The following PCDHA11 variants were observed in gnomAD, a reference collection of about 807,000 sequenced individuals.
The protein encoded by PCDHA11 is protocadherin alpha-11.
In PCDHA11, 61 loss-of-function variants were observed where a neutral mutation model predicts 70.3. That is an observed-to-expected ratio of 0.87 (90% confidence interval 0.71 to 1.07). PCDHA11 has a LOEUF of 1.07. Among genes scored for constraint, PCDHA11 ranks in the 50% least tolerant of loss-of-function variants. PCDHA11 has a pLI of 0.00. For synonymous variants in PCDHA11, 633 were observed against 555.1 expected, an observed-to-expected ratio of 1.14 and a Z score of -1.97; for missense variants, 1,324 against 1,237.5, an observed-to-expected ratio of 1.07 and a Z score of -1.05.
chr5:141,007,831 C>T (rs1347788424), intron 3 of PCDHA11, among the ~76,000 whole-genome samples: 2 of 152,296 alleles, frequency 1.3e-5, no homozygotes, highest in East Asian at 3.9e-4. Context: ...CAAGTAGCTA[C>T]CCATTAGAGA....
intron 1 of PCDHA11, among the ~76,000 whole-genome samples, chr5:140,888,308 G>A (rs1383199158): frequency 1.3e-5 from 2 of 152,106 alleles, no homozygotes; most frequent in Non-Finnish European, 2.9e-5. Flanking sequence ...AGATAATTTG[G>A]CAATGCCTGG....
intron 1 of PCDHA11, chr5:140,884,480 A>T (rs782532542): frequency 7.4e-6 from 12 of 1,613,662 alleles, no homozygotes; most frequent in Non-Finnish European, 9.3e-6. Flanking sequence ...GGGCAAGCCC[A>T]CTCTAGTGTG....
intron 1 of PCDHA11, among the ~76,000 whole-genome samples, chr5:140,941,319 CT>C (rs70988781): frequency 0.38 from 39,984 of 104,186 alleles, 7,512 homozygotes; most frequent in East Asian, 0.57. Flanking sequence ...TCTTCTTTCT[CT>C]TTTTTTTTTT....
chr5:140,991,588 C>T (rs1252872687), intron 3 of PCDHA11, among the ~76,000 whole-genome samples: 3 of 152,212 alleles, frequency 2.0e-5, no homozygotes, highest in African/African-American at 7.2e-5. Flanking sequence ...TTATTTCTAC[C>T]TGAGCCCTCA....
At chr5:140,990,227 A>G (rs1424384055) in intron 3 of PCDHA11, among the ~76,000 whole-genome samples, 1 of 152,134 alleles carries the variant, frequency 6.6e-6, no homozygotes, top group Non-Finnish European at 1.5e-5. Flanking sequence ...GTTTATTGTA[A>G]CTAGCGTTGT....
intron 1 of PCDHA11, among the ~76,000 whole-genome samples, chr5:140,915,115 A>T (rs2076990702): frequency 1.3e-5 from 2 of 151,346 alleles, no homozygotes; most frequent in African/African-American, 4.9e-5. Context: ...CACCCACCTA[A>T]TTTTTATATT....
In PCDHA11 at chr5:140,876,868, G is replaced by C. The variant is rs563777938; in HGVS notation, c.2391+5374G>C. On this transcript the variant is annotated intron_variant, in intron 1 of 3. Coordinates refer to ENST00000398640, the MANE Select transcript of PCDHA11 (RefSeq NM_018902.5). ...GCCCGAGTACACAGTGTTCGTGAAG[G>C]AGAACAACCCGCCGGGCTGCCACAT... is the stretch of plus-strand genomic sequence containing the variant. 6 of 1,614,160 alleles carry C rather than the reference G, an allele frequency of 3.7e-6. No homozygotes were observed. In the East Asian group the frequency reaches 1.3e-4, roughly 36 times the overall value.
rs371526005 is a variant in PCDHA11 at position 140,870,869 on chromosome 5, T to C, written c.1766T>C (p.Val589Ala). The C allele has an allele frequency of 8.1e-6, 13 of 1,613,770 alleles. No individual in the cohort carries two copies. Among genetic ancestry groups the C allele is most frequent in the Non-Finnish European group, 1.1e-5 (13 of 1,179,888 alleles). ...CCGCGGTCGGTGGGTGCGGGCCACGTGGTGGCGAAGGTGCGCGCAGTGGAT... is the reference window on the plus strand; with the variant it reads ...CCGCGGTCGGTGGGTGCGGGCCACGCGGTGGCGAAGGTGCGCGCAGTGGAT... ...LVPRSVGAGH[V>A]VAKVRAVDAD... Residue 589 changes from valine (V) to alanine (A), a missense_variant, in exon 1 of 4, where the codon GTG becomes GCG. Coordinates refer to ENST00000398640, the MANE Select transcript of PCDHA11 (RefSeq NM_018902.5).
chr5:140,889,983 T>C (rs1347862441), intron 1 of PCDHA11, among the ~76,000 whole-genome samples: 1 of 152,208 alleles, frequency 6.6e-6, no homozygotes, highest in Non-Finnish European at 1.5e-5. Flanking sequence ...TCTCCAGTTG[T>C]CTTAGCTTTC....
At chr5:140,985,607 C>T (rs1554247195) in intron 3 of PCDHA11, among the ~76,000 whole-genome samples, 1 of 152,156 alleles carries the variant, frequency 6.6e-6, no homozygotes, top group Non-Finnish European at 1.5e-5. Flanking sequence ...GAGCCCTTTC[C>T]GTGAACCAGC....
At chr5:141,002,934 C>A (rs1318656602) in intron 3 of PCDHA11, among the ~76,000 whole-genome samples, 2 of 152,172 alleles carry the variant, frequency 1.3e-5, no homozygotes, top group Non-Finnish European at 2.9e-5. Flanking sequence ...CCTCCAACAC[C>A]CTCCAGCACA....
At chr5:140,968,094 A>T in intron 1 of PCDHA11, 1 of 1,614,138 alleles carries the variant, frequency 6.2e-7, no homozygotes, top group Non-Finnish European at 8.5e-7. Flanking sequence ...ACAGCCACAG[A>T]TGGGGGAATA....
In PCDHA11 at chr5:140,869,059, C is replaced by T. The variant is rs782790799; in HGVS notation, c.-45C>T. The T allele has an allele frequency of 6.4e-7, 1 of 1,555,654 alleles. No individual in the cohort carries two copies. Among genetic ancestry groups the T allele is most frequent in the East Asian group, 2.2e-5 (1 of 44,466 alleles). On this transcript the variant is annotated 5_prime_UTR_variant, in exon 1 of 4. Coordinates refer to ENST00000398640, the MANE Select transcript of PCDHA11 (RefSeq NM_018902.5). The stretch of plus-strand genomic sequence containing the variant: ...TAACCTGAAACTGAAGAATCTGGTA[C>T]TGTAAGTGTAAAGAAGCTTATTTTG...
At chr5:140,950,860 G>A (rs529625926) in intron 1 of PCDHA11, among the ~76,000 whole-genome samples, 25 of 151,860 alleles carry the variant, frequency 1.6e-4, no homozygotes, top group African/African-American at 5.8e-4. Context: ...TCATATTCTT[G>A]TATATTCTAT....
chr5:140,924,437 T>A (rs2081836231), intron 1 of PCDHA11, among the ~76,000 whole-genome samples: 1 of 152,206 alleles, frequency 6.6e-6, no homozygotes, highest in Admixed American at 6.5e-5. Flanking sequence ...CTAGAAGAGA[T>A]AACGAATGGG....
chr5:140,882,929 G>A, intron 1 of PCDHA11: 1 of 1,614,160 alleles, frequency 6.2e-7, no homozygotes, highest in Non-Finnish European at 8.5e-7. Context: ...AGGTAAACCC[G>A]AGCTGACTGG....
chr5:140,882,284 C>T (rs782560108), intron 1 of PCDHA11: 7 of 1,612,734 alleles, frequency 4.3e-6, no homozygotes, highest in Non-Finnish European at 5.9e-6. Context: ...GTCTTCCTGG[C>T]AAGGAGGCCC....
chr5:140,871,291 G>C lies in PCDHA11; in HGVS notation c.2188G>C (p.Ala730Pro). Residue 730 changes from alanine (A) to proline (P), a missense_variant, in exon 1 of 4, where the codon GCG (alanine) becomes CCG (proline). Coordinates refer to ENST00000398640, the MANE Select transcript of PCDHA11 (RefSeq NM_018902.5). ...GTGGTCGGCAACGCCCACTGAGGGC[G>C]CGTGCGCGCCGGGGAAGCCCACGCT... ...LWWSATPTEGACAPGKPTLVC... is the reference protein window; with the variant it reads ...LWWSATPTEGPCAPGKPTLVC... 6.2e-7 allele frequency: 1 copy of C among 1,613,906 alleles called. No individual in the cohort carries two copies. Among genetic ancestry groups the C allele is most frequent in the Non-Finnish European group, 8.5e-7 (1 of 1,179,926 alleles).
At chr5:141,006,222 T>C (rs1463720721) in intron 3 of PCDHA11, among the ~76,000 whole-genome samples, 1 of 152,098 alleles carries the variant, frequency 6.6e-6, no homozygotes, top group Non-Finnish European at 1.5e-5. Flanking sequence ...TTTTAAATTT[T>C]TTATTTTTAG....
Sources: gnomAD v4.1 joint callset for allele counts (sites outside exome capture counted in the v4.1 genomes callset) on GRCh38, gnomAD v4.1.1 for gene constraint, MANE v1.5 for transcripts, NCBI Gene and HGNC (gene_info 2026-07-23, HGNC 2026-07-21) for gene names.